ATP13A4: variants seen among roughly 807,000 people sequenced by gnomAD.
ATP13A4 encodes probable cation-transporting ATPase 13A4.
A neutral mutation model predicts 142.5 loss-of-function variants in ATP13A4; 114 were observed. The ratio of observed to expected loss-of-function variants is 0.80; its 90% CI spans 0.69 to 0.93. The LOEUF is 0.93. Ranked by LOEUF, ATP13A4 falls within the 40% of genes least tolerant of loss-of-function variation. ATP13A4 has a pLI of 0.00. For synonymous variants in ATP13A4, 488 were observed against 514.8 expected, an observed-to-expected ratio of 0.95 and a Z score of 0.70; for missense variants, 1,392 against 1,454.0, an observed-to-expected ratio of 0.96 and a Z score of 0.69.
chr3:193,497,656 G>T (rs80339111), intron 3 of ATP13A4, among the ~76,000 whole-genome samples: 1 of 152,012 alleles, frequency 6.6e-6, no homozygotes, highest in Admixed American at 6.6e-5. Context: ...CCAAGATATG[G>T]AATTAACCTA....
Position 193,412,338 on chromosome 3 carries a change from C to G in ATP13A4, c.3048G>C (p.Glu1016Asp), listed in dbSNP as rs1451815333. 1 of 1,614,106 alleles carries G rather than the reference C, an allele frequency of 6.2e-7. No homozygotes were observed. The change falls in exon 27 of 30, where the codon GAG becomes GAC. Residue 1016 changes from glutamate (E) to aspartate (D), a missense_variant. By Grantham distance (45) the Glu-to-Asp change is conservative. Coordinates refer to ENST00000342695, the MANE Select transcript of ATP13A4 (RefSeq NM_032279.4). Reference protein sequence around the residue: ...ACTVQNESISELTMSPTAPEK... With the variant: ...ACTVQNESISDLTMSPTAPEK... ...CTGGAGCAGTTGGAGACATGGTTAA[C>G]TCTGAGATGCTTTCATTTTGTACTG...
At chr3:193,564,868 G>T (rs1284591063) in intron 2 of ATP13A4, among the ~76,000 whole-genome samples, 1 of 152,132 alleles carries the variant, frequency 6.6e-6, no homozygotes, top group Non-Finnish European at 1.5e-5. Flanking sequence ...TGTCAGAGCA[G>T]CGGCAACATT....
intron 1 of ATP13A4, among the ~76,000 whole-genome samples, chr3:193,550,057 G>A (rs1257389432): frequency 2.0e-5 from 3 of 152,090 alleles, no homozygotes; most frequent in Admixed American, 6.5e-5. Context: ...GCCTTCAGGC[G>A]GGGCAGGGTG....
At chr3:193,481,196 G>C (rs922549546) in intron 8 of ATP13A4, among the ~76,000 whole-genome samples, 4 of 152,118 alleles carry the variant, frequency 2.6e-5, no homozygotes, top group Admixed American at 2.0e-4. Context: ...GGTGATGGCT[G>C]CACCAAAATC....
intron 1 of ATP13A4, among the ~76,000 whole-genome samples, chr3:193,534,077 G>A (rs558514356): frequency 1.1e-4 from 16 of 152,250 alleles, no homozygotes; most frequent in African/African-American, 3.6e-4. Flanking sequence ...AGCTAGAGAG[G>A]TATCAGTGGA....
intron 9 of ATP13A4, 39 bp from the exon 10 acceptor site, chr3:193,467,525 G>C: frequency 6.3e-7 from 1 of 1,594,232 alleles, no homozygotes. Context: ...AGGCAGGATG[G>C]CTTCCCTCAT....
chr3:193,493,089 C>T lies in ATP13A4; in HGVS notation c.452+1G>A, dbSNP rs1720031842. ...TGGCTGTACTTGCTAAAACAACTTA[C>T]CCAATTTTCTGGAACTGTCCTTCTA... is the stretch of plus-strand genomic sequence containing the variant. On this transcript the variant is annotated splice_donor_variant, in intron 4 of 29. Coordinates refer to ENST00000342695, the MANE Select transcript of ATP13A4 (RefSeq NM_032279.4). LOFTEE classifies it high-confidence loss of function. 2 of 1,612,948 alleles carry T rather than the reference C, an allele frequency of 1.2e-6. No homozygotes were observed. The highest frequency in any genetic ancestry group is 2.2e-5 in the East Asian group (1 of 44,778).
intron 2 of ATP13A4, among the ~76,000 whole-genome samples, chr3:193,566,993 CT>C (rs1724148934): frequency 6.6e-6 from 1 of 152,150 alleles, no homozygotes; most frequent in African/African-American, 2.4e-5. Context: ...AAAACAGATA[CT>C]TTCGTTATTA....
chr3:193,447,551 A>G (rs919028936), intron 18 of ATP13A4, among the ~76,000 whole-genome samples: 4 of 152,168 alleles, frequency 2.6e-5, no homozygotes, highest in African/African-American at 7.2e-5. Flanking sequence ...ATGAACATGA[A>G]TTCATTAGGA....
chr3:193,589,504 C>T (rs1290547399), intron 1 of ATP13A4, among the ~76,000 whole-genome samples: 3 of 152,162 alleles, frequency 2.0e-5, no homozygotes, highest in Non-Finnish European at 4.4e-5. Flanking sequence ...TAACATCTCT[C>T]ATTACCTTCC....
chr3:193,414,528 G>A, intron 26 of ATP13A4, 51 bp downstream of exon 26: 1 of 1,599,834 alleles, frequency 6.3e-7, no homozygotes, highest in South Asian at 1.1e-5. Flanking sequence ...GCCAGAGGAT[G>A]TTTGATAGAA....
chr3:193,513,118 T>C (rs1721226611), intron 2 of ATP13A4, among the ~76,000 whole-genome samples: 1 of 152,196 alleles, frequency 6.6e-6, no homozygotes. Flanking sequence ...TCAGCTAAGC[T>C]AGAACATAGA....
At chr3:193,544,222 A>G (rs1723099917) in intron 1 of ATP13A4, among the ~76,000 whole-genome samples, 1 of 152,246 alleles carries the variant, frequency 6.6e-6, no homozygotes, top group South Asian at 2.1e-4. Context: ...ACACAAGCAA[A>G]AATCAATTGA....
chr3:193,577,322 T>C (rs1331858501), intron 2 of ATP13A4, among the ~76,000 whole-genome samples: 1 of 152,254 alleles, frequency 6.6e-6, no homozygotes, highest in African/African-American at 2.4e-5. Context: ...ATGATTTGCT[T>C]ATTGAGCCCT....
chr3:193,532,214 C>A, intron 1 of ATP13A4, among the ~76,000 whole-genome samples: 1 of 151,952 alleles, frequency 6.6e-6, no homozygotes, highest in East Asian at 1.9e-4. Flanking sequence ...ACTATTCATA[C>A]AGATAATGCT....
intron 6 of ATP13A4, 88 bp from the exon 7 acceptor site, chr3:193,489,952 T>C: frequency 7.3e-7 from 1 of 1,373,556 alleles, no homozygotes; most frequent in Non-Finnish European, 1.0e-6. Context: ...ATCATCTTCA[T>C]GACATACATC....
In ATP13A4 at chr3:193,493,301, T is replaced by C. The variant is rs1489926; in HGVS notation, c.382-141A>G. 3.5e-5 allele frequency: 26 copies of C among 747,672 alleles called. No homozygotes were observed. In the South Asian group the frequency reaches 4.6e-4, roughly 13 times the overall value. The allele number at this position is 747,672 out of a possible 1,614,324, so 46.3% of individuals were successfully genotyped here. On this transcript the variant is annotated intron_variant, in intron 3 of 29. Coordinates refer to ENST00000342695, the MANE Select transcript of ATP13A4 (RefSeq NM_032279.4). ...TTTAAGATTTTATCCTTTTCTAATT[T>C]ACCCTTTGCTTTTCTACCATACAAA...
intron 18 of ATP13A4, among the ~76,000 whole-genome samples, chr3:193,446,731 G>A (rs1026286688): frequency 6.6e-6 from 1 of 152,172 alleles, no homozygotes; most frequent in Non-Finnish European, 1.5e-5. Context: ...CGCTGTCCAT[G>A]TTCCAGACTA....
At chr3:193,569,775 T>A (rs1362554816) in intron 2 of ATP13A4, among the ~76,000 whole-genome samples, 2 of 151,948 alleles carry the variant, frequency 1.3e-5, no homozygotes, top group Non-Finnish European at 2.9e-5. Context: ...GCTCAAGCAA[T>A]CCTCCCACCG....
Sources: gnomAD v4.1 joint callset for allele counts (sites outside exome capture counted in the v4.1 genomes callset) on GRCh38, gnomAD v4.1.1 for gene constraint, MANE v1.5 for transcripts, NCBI Gene and HGNC (gene_info 2026-07-23, HGNC 2026-07-21) for gene names.